LSAMP: variants seen among roughly 807,000 people sequenced by gnomAD.
LSAMP encodes limbic system-associated membrane protein.
In LSAMP, 7 loss-of-function variants were observed where a neutral mutation model predicts 38.6. That is an observed-to-expected ratio of 0.18 (90% CI 0.10 to 0.34). The LOEUF (loss-of-function observed/expected upper bound fraction) is 0.34, where lower values mean the gene tolerates loss of function less well. LSAMP is among the 10% of genes least tolerant of loss of function. The pLI is 1.00. For synonymous variants in LSAMP, 154 were observed against 166.8 expected (o/e 0.92, Z 0.59); for missense variants, 313 against 420.0 (o/e 0.75, Z 2.23).
At chr3:115,934,118 C>T (rs1356383741) in intron 3 of LSAMP, among the ~76,000 whole-genome samples, 3 of 151,944 alleles carry the variant, frequency 2.0e-5, no homozygotes, top group East Asian at 1.9e-4. Flanking sequence ...ATAATTTCCT[C>T]AAATGGTTTC....
At chr3:116,166,779 T>G (rs1295901199) in intron 1 of LSAMP, among the ~76,000 whole-genome samples, 1 of 147,390 alleles carries the variant, frequency 6.8e-6, no homozygotes, top group Non-Finnish European at 1.5e-5. Context: ...ATTTTTAGTT[T>G]TTTTTTTGTT....
intron 1 of LSAMP, among the ~76,000 whole-genome samples, chr3:116,144,562 CTT>C (rs3071080): frequency 3.5e-5 from 5 of 142,160 alleles, no homozygotes; most frequent in Admixed American, 7.0e-5. Flanking sequence ...CATCACCTTA[CTT>C]TTTTTTTTTT....
intron 1 of LSAMP, among the ~76,000 whole-genome samples, chr3:116,270,746 G>GCAAA (rs765442049): frequency 3.9e-5 from 6 of 152,064 alleles, no homozygotes; most frequent in Admixed American, 6.6e-5. Context: ...TGTACAAGCT[G>GCAAA]CAAACACAGA....
chr3:116,076,068 A>G (rs1234507643), intron 2 of LSAMP, among the ~76,000 whole-genome samples: 1 of 152,174 alleles, frequency 6.6e-6, no homozygotes, highest in Non-Finnish European at 1.5e-5. Context: ...TAAAAAATTA[A>G]TTCATTCAAA....
chr3:116,013,228 C>T (rs577687520), intron 3 of LSAMP, among the ~76,000 whole-genome samples: 24 of 152,220 alleles, frequency 1.6e-4, no homozygotes, highest in African/African-American at 4.3e-4. Context: ...ATAGCCAGCA[C>T]GTTAGGTTGT....
chr3:116,421,491 C>T lies in LSAMP; in HGVS notation c.155+23386G>A, dbSNP rs536943922. ...CCCAGAGGGCAGAGGTTGCAGTGAA[C>T]TGAGATCGTGCCATTGCACTCCAGC... On this transcript the variant is annotated intron_variant, in intron 1 of 6. Coordinates refer to ENST00000490035, the MANE Select transcript of LSAMP (RefSeq NM_002338.5). 4.0e-5 allele frequency among the ~76,000 whole-genome samples: 6 copies of T among 151,228 alleles called. No individual in the cohort carries two copies. The South Asian group carries it at 1.3e-3, about 32-fold the overall frequency.
chr3:116,348,109 A>G (rs898601939), intron 1 of LSAMP, among the ~76,000 whole-genome samples: 3 of 152,126 alleles, frequency 2.0e-5, no homozygotes, highest in Admixed American at 6.6e-5. Context: ...TCACAGTTTG[A>G]ACCATCAACT....
At chr3:116,148,561 A>G (rs1709539910) in intron 1 of LSAMP, among the ~76,000 whole-genome samples, 1 of 152,026 alleles carries the variant, frequency 6.6e-6, no homozygotes, top group African/African-American at 2.4e-5. Flanking sequence ...GAAGTAGAGA[A>G]GTAGATATTG....
intron 1 of LSAMP, among the ~76,000 whole-genome samples, chr3:116,266,208 CA>C (rs1327292179): frequency 2.6e-5 from 4 of 152,160 alleles, no homozygotes; most frequent in Admixed American, 6.5e-5. Context: ...ACTTAATTAT[CA>C]CACCACGTAA....
chr3:116,167,680 A>G (rs1710093217), intron 1 of LSAMP, among the ~76,000 whole-genome samples: 1 of 152,232 alleles, frequency 6.6e-6, no homozygotes, highest in African/African-American at 2.4e-5. Context: ...ATAAGCAGTA[A>G]TCAAGGCAGA....
At chr3:116,071,766 CA>C (rs1707611122) in intron 2 of LSAMP, among the ~76,000 whole-genome samples, 1 of 152,130 alleles carries the variant, frequency 6.6e-6, no homozygotes, top group African/African-American at 2.4e-5. Context: ...CCCCAACTAA[CA>C]GGCCCCAGTG....
At chr3:115,830,498 A>G (rs1934572975) in intron 6 of LSAMP, among the ~76,000 whole-genome samples, 1 of 152,182 alleles carries the variant, frequency 6.6e-6, no homozygotes, top group Admixed American at 6.6e-5. Flanking sequence ...TTGATCATTA[A>G]AAAGTGTGGG....
intron 3 of LSAMP, among the ~76,000 whole-genome samples, chr3:115,962,531 A>C (rs1172061832): frequency 6.6e-6 from 1 of 152,200 alleles, no homozygotes; most frequent in African/African-American, 2.4e-5. Context: ...TATCAATCTC[A>C]CTATCTATTT....
At chr3:116,203,939 T>C (rs557495620) in intron 1 of LSAMP, among the ~76,000 whole-genome samples, 1 of 152,286 alleles carries the variant, frequency 6.6e-6, no homozygotes, top group East Asian at 1.9e-4. Flanking sequence ...CTGGGTCAAA[T>C]GGTATTTCTA....
At chr3:116,422,287 G>A (rs1169794661) in intron 1 of LSAMP, among the ~76,000 whole-genome samples, 1 of 151,858 alleles carries the variant, frequency 6.6e-6, no homozygotes, top group Non-Finnish European at 1.5e-5. Flanking sequence ...ACCAACCTCA[G>A]ACTGAAAATA....
chr3:116,012,680 T>G (rs1228611222), intron 3 of LSAMP, among the ~76,000 whole-genome samples: 3 of 152,106 alleles, frequency 2.0e-5, no homozygotes, highest in South Asian at 2.1e-4. Context: ...ATCCCCGTGG[T>G]TATTGTGCTG....
intron 3 of LSAMP, among the ~76,000 whole-genome samples, chr3:115,912,798 T>G (rs1937163838): frequency 6.6e-6 from 1 of 152,210 alleles, no homozygotes; most frequent in Non-Finnish European, 1.5e-5. Flanking sequence ...AGGCTTCCTT[T>G]GTCTGTGTCC....
chr3:116,273,788 T>C (rs2047010289), intron 1 of LSAMP, among the ~76,000 whole-genome samples: 1 of 134,150 alleles, frequency 7.5e-6, no homozygotes, highest in African/African-American at 3.0e-5. Flanking sequence ...ATTACAGATA[T>C]ATATATCTTT....
chr3:115,885,677 G>GATGC (rs368961900), intron 3 of LSAMP, among the ~76,000 whole-genome samples: 34 of 147,532 alleles, frequency 2.3e-4, no homozygotes, highest in African/African-American at 8.8e-4. Flanking sequence ...AAGCAAGATA[G>GATGC]ATGCTTCTTA....
Sources: gnomAD v4.1 joint callset for allele counts (sites outside exome capture counted in the v4.1 genomes callset) on GRCh38, gnomAD v4.1.1 for gene constraint, MANE v1.5 for transcripts, NCBI Gene and HGNC (gene_info 2026-07-23, HGNC 2026-07-21) for gene names.